ZNF609: variants seen among roughly 807,000 people sequenced by gnomAD.
ZNF609 encodes zinc finger protein 609.
A neutral mutation model predicts 109.5 loss-of-function variants in ZNF609; 11 were observed. The observed-to-expected ratio is 0.10, with a 90% CI of 0.06 to 0.17. The LOEUF (loss-of-function observed/expected upper bound fraction) is 0.17. Ranked by LOEUF, ZNF609 falls within the 10% of genes least tolerant of loss-of-function variation. ZNF609 has a pLI of 1.00. For synonymous variants in ZNF609, 646 were observed against 662.0 expected (o/e 0.98, Z 0.37); for missense variants, 1,559 against 1,772.4 (o/e 0.88, Z 2.16).
intron 2 of ZNF609, among the ~76,000 whole-genome samples, chr15:64,515,632 C>T (rs1483542301): frequency 6.6e-6 from 1 of 152,054 alleles, no homozygotes; most frequent in Non-Finnish European, 1.5e-5. Flanking sequence ...CATCTAATCA[C>T]CTCCTTAGAA....
intron 1 of ZNF609, among the ~76,000 whole-genome samples, chr15:64,472,039 T>G (rs1566992442): frequency 6.6e-6 from 1 of 152,042 alleles, no homozygotes; most frequent in African/African-American, 2.4e-5. Flanking sequence ...GCCTCCCGAG[T>G]AGCTGGTATT....
chr15:64,672,509 C>A (rs1342067491), intron 4 of ZNF609, among the ~76,000 whole-genome samples: 1 of 149,796 alleles, frequency 6.7e-6, no homozygotes, highest in Non-Finnish European at 1.5e-5. Context: ...CCTGTAACCC[C>A]AGCTACTCGG....
intron 1 of ZNF609, among the ~76,000 whole-genome samples, chr15:64,467,056 T>C (rs1893025343): frequency 6.6e-6 from 1 of 152,212 alleles, no homozygotes; most frequent in Admixed American, 6.6e-5. Context: ...GGGCTAATTT[T>C]TCATGGTTCT....
At chr15:64,500,567 G>T (rs1893547423) in intron 2 of ZNF609, 2 of 603,954 alleles carry the variant, frequency 3.3e-6, no homozygotes, top group Non-Finnish European at 5.9e-6. Context: ...TAAACAATAC[G>T]CCTTTGGTGA....
At chr15:64,583,373 TTTAAAA>T (rs1427112071) in intron 2 of ZNF609, among the ~76,000 whole-genome samples, 1 of 151,846 alleles carries the variant, frequency 6.6e-6, no homozygotes, top group African/African-American at 2.4e-5. Context: ...TTAAATTAAA[TTTAAAA>T]ATAAAAATAA....
intron 2 of ZNF609, among the ~76,000 whole-genome samples, chr15:64,536,598 C>A (rs114376917): frequency 4.6e-5 from 7 of 151,828 alleles, no homozygotes; most frequent in Admixed American, 4.6e-4. Flanking sequence ...TAGAACTGGC[C>A]GGGCTCAGTG....
In ZNF609 at chr15:64,680,838, C is replaced by T; in HGVS notation, c.4138C>T (p.Gln1380Ter). The T allele has an allele frequency of 1.2e-6, 2 of 1,611,970 alleles. No individual in the cohort carries two copies. Among genetic ancestry groups the T allele is most frequent in the Non-Finnish European group, 1.7e-6 (2 of 1,180,010 alleles). ...HHLGYSLLPA[Q>*]YNLPYAAGLS... ...CTTGGGGTACTCATTGCTCCCAGCA[C>T]AGTACAACTTACCCTATGCAGCAGG... Residue 1380 changes from glutamine (Q) to a stop codon, truncating the protein, a stop_gained, in exon 8 of 10, where the codon CAG becomes TAG. Coordinates refer to ENST00000326648, the MANE Select transcript of ZNF609 (RefSeq NM_015042.2). LOFTEE classifies it high-confidence loss of function.
intron 1 of ZNF609, among the ~76,000 whole-genome samples, chr15:64,478,723 A>T: frequency 6.6e-6 from 1 of 152,058 alleles, no homozygotes; most frequent in East Asian, 1.9e-4. Flanking sequence ...CTAAGGAAAA[A>T]TCTATTACTT....
chr15:64,522,213 G>A (rs1472779168), intron 2 of ZNF609, among the ~76,000 whole-genome samples: 2 of 152,156 alleles, frequency 1.3e-5, no homozygotes, highest in Non-Finnish European at 2.9e-5. Flanking sequence ...TCAGCATTCT[G>A]GCATTGAAAT....
At chr15:64,487,116 TTTTTTGATTTG>T in intron 1 of ZNF609, among the ~76,000 whole-genome samples, 1 of 152,296 alleles carries the variant, frequency 6.6e-6, no homozygotes, top group East Asian at 1.9e-4. Context: ...TTACTTAATT[TTTTTTGATTTG>T]TTTTTATATC....
At chr15:64,462,749 ACT>A (rs1362587166) in intron 1 of ZNF609, among the ~76,000 whole-genome samples, 1 of 152,228 alleles carries the variant, frequency 6.6e-6, no homozygotes, top group Non-Finnish European at 1.5e-5. Flanking sequence ...ATTTATTTTA[ACT>A]CTAATGAAAG....
At chr15:64,530,090 C>T (rs1595708976) in intron 2 of ZNF609, among the ~76,000 whole-genome samples, 2 of 151,544 alleles carry the variant, frequency 1.3e-5, no homozygotes, top group East Asian at 3.9e-4. Context: ...TCTCGGCTCA[C>T]TGCAACCTCT....
chr15:64,597,194 G>A (rs1895410949), intron 2 of ZNF609, among the ~76,000 whole-genome samples: 1 of 152,150 alleles, frequency 6.6e-6, no homozygotes. Context: ...TTAGAGTCTA[G>A]AATGAGAGGG....
intron 2 of ZNF609, among the ~76,000 whole-genome samples, chr15:64,525,300 AT>A (rs1893954113): frequency 6.6e-6 from 1 of 152,194 alleles, no homozygotes; most frequent in Non-Finnish European, 1.5e-5. Flanking sequence ...ACATGTACAT[AT>A]GCGGTTTTCC....
chr15:64,508,182 A>G (rs1431816856), intron 2 of ZNF609, among the ~76,000 whole-genome samples: 1 of 152,194 alleles, frequency 6.6e-6, no homozygotes, highest in African/African-American at 2.4e-5. Flanking sequence ...TTCTGTTCAC[A>G]GGGCAAAGTT....
intron 1 of ZNF609, among the ~76,000 whole-genome samples, chr15:64,485,568 T>G (rs950181259): frequency 1.3e-5 from 2 of 152,122 alleles, no homozygotes; most frequent in African/African-American, 4.8e-5. Flanking sequence ...TTTGGGAGGT[T>G]GAGGTGGGAG....
At position 64,675,692 on chromosome 15, in the gene ZNF609, AAAG is replaced by A. The variant is rs150235359; in HGVS notation, c.2842_2844del (p.Lys948del). On this transcript the variant is annotated inframe_deletion, in exon 5 of 10. Coordinates refer to ENST00000326648, the MANE Select transcript of ZNF609 (RefSeq NM_015042.2). ...AAGTGAAGAACGATATCTGTGAAGA[AAAG>A]AAGCCCGAGCTGAGCAGTTCCAGTC... 0.018 allele frequency: 29,701 copies of A among 1,614,140 alleles called. 425 individuals are homozygous for A. The highest frequency in any genetic ancestry group is 0.02 in the Non-Finnish European group (24,127 of 1,180,034).
rs1046142215 is a variant in ZNF609 at position 64,641,960 on chromosome 15, C to T, written c.973+18908C>T. Among the ~76,000 whole-genome samples the T allele has an allele frequency of 2.6e-5, 4 of 152,092 alleles. No individual in the cohort carries two copies. The East Asian group carries it at 5.8e-4, about 22-fold the overall frequency. ...GGTTTCTGGTTTTGGAAGACTCGTACGTAATTTGACCCTTCCTTACAGTCA... is the reference window on the plus strand; with the variant it reads ...GGTTTCTGGTTTTGGAAGACTCGTATGTAATTTGACCCTTCCTTACAGTCA... On this transcript the variant is annotated intron_variant, in intron 3 of 9. Coordinates refer to ENST00000326648, the MANE Select transcript of ZNF609 (RefSeq NM_015042.2).
intron 4 of ZNF609, among the ~76,000 whole-genome samples, chr15:64,673,444 G>A (rs931437631): frequency 2.0e-5 from 3 of 152,148 alleles, no homozygotes; most frequent in African/African-American, 7.2e-5. Context: ...GATGTTTAGG[G>A]AACTCTTAAA....
Sources: gnomAD v4.1 joint callset for allele counts (sites outside exome capture counted in the v4.1 genomes callset) on GRCh38, gnomAD v4.1.1 for gene constraint, MANE v1.5 for transcripts, NCBI Gene and HGNC (gene_info 2026-07-23, HGNC 2026-07-21) for gene names.